Variants in COL5A2 observed in about 807,000 individuals in gnomAD.
COL5A2 encodes collagen alpha-2(V) chain.
A neutral mutation model predicts 208.2 loss-of-function variants in COL5A2; 23 were observed. The ratio of observed to expected loss-of-function variants is 0.11; its 90% CI spans 0.08 to 0.16. COL5A2 has a LOEUF of 0.16. Ranked by LOEUF, COL5A2 falls within the 10% of genes least tolerant of loss-of-function variation. The pLI is 1.00. For synonymous variants in COL5A2, 625 were observed against 628.5 expected (o/e 0.99, Z 0.08); for missense variants, 1,590 against 1,956.4 (o/e 0.81, Z 3.53).
chr2:189,336,587 T>C, the COL5A2 span, among the ~76,000 whole-genome samples: 12,384 of 152,280 alleles, frequency 0.081, 671 homozygotes, highest in Non-Finnish European at 0.12. Context: ...GAATCTTACA[T>C]ATATTTTGAC....
In COL5A2 at chr2:189,066,493, G is replaced by A; in HGVS notation, c.1460C>T (p.Pro487Leu). Residue 487 changes from proline (P) to leucine (L), a missense_variant, in exon 23 of 54, where the codon CCA (proline) becomes CTA (leucine). Transcript: ENST00000374866. ...GEAGPKGEPG[P>L]HGIQGPIGPP... Reference sequence around the variant, plus strand: ...GCCTATCGGACCCTGAATACCATGTGGCCCCTGTTAAAAACAGAAGGACAG... The same window carrying A: ...GCCTATCGGACCCTGAATACCATGTAGCCCCTGTTAAAAACAGAAGGACAG... 7 of 1,614,022 alleles carry A rather than the reference G, an allele frequency of 4.3e-6. No homozygotes were observed. The highest frequency in any genetic ancestry group is 5.9e-6 in the Non-Finnish European group (7 of 1,179,960).
intron 1 of COL5A2, among the ~76,000 whole-genome samples, chr2:189,166,909 A>G (rs1688475449): frequency 6.6e-6 from 1 of 152,240 alleles, no homozygotes; most frequent in Non-Finnish European, 1.5e-5. Context: ...TCGGAAAGAA[A>G]AGAATGCCAA....
the COL5A2 span, among the ~76,000 whole-genome samples, chr2:189,247,919 G>A: frequency 6.6e-6 from 1 of 152,126 alleles, no homozygotes; most frequent in Non-Finnish European, 1.5e-5. Flanking sequence ...AATATAGCAA[G>A]CAACTCAATG....
chr2:189,419,468 T>A, the COL5A2 span, among the ~76,000 whole-genome samples: 10 of 152,140 alleles, frequency 6.6e-5, no homozygotes, highest in African/African-American at 2.4e-4. Context: ...TTGGTCTTGG[T>A]TTTATTTTTA....
At chr2:189,355,272 G>A in the COL5A2 span, among the ~76,000 whole-genome samples, 1 of 152,210 alleles carries the variant, frequency 6.6e-6, no homozygotes, top group South Asian at 2.1e-4. Context: ...TTGGGATGGA[G>A]AGTTCTGTAG....
At chr2:189,053,147 T>C (rs1373046875) in intron 38 of COL5A2, 129 bp from the exon 39 acceptor site, 4 of 840,454 alleles carry the variant, frequency 4.8e-6, no homozygotes, top group Non-Finnish European at 7.4e-6. Flanking sequence ...TATTAAAGCA[T>C]ACTAAAGGAA....
chr2:189,173,906 C>T (rs1214401620), intron 1 of COL5A2, among the ~76,000 whole-genome samples: 1 of 152,104 alleles, frequency 6.6e-6, no homozygotes, highest in African/African-American at 2.4e-5. Context: ...TTTCCCCCAC[C>T]CTTACTATAT....
At chr2:189,434,242 T>C in the COL5A2 span, among the ~76,000 whole-genome samples, 1 of 152,276 alleles carries the variant, frequency 6.6e-6, no homozygotes, top group African/African-American at 2.4e-5. Context: ...GGGCAAAAAC[T>C]GGAAGCATTC....
At chr2:189,095,373 T>C (rs1198081145) in intron 6 of COL5A2, among the ~76,000 whole-genome samples, 1 of 152,134 alleles carries the variant, frequency 6.6e-6, no homozygotes, top group African/African-American at 2.4e-5. Flanking sequence ...ACACTTACCA[T>C]CACACCAGTT....
intron 30 of COL5A2, 109 bp downstream of exon 30, chr2:189,061,453 C>T (rs952839160): frequency 1.0e-4 from 91 of 878,816 alleles, no homozygotes; most frequent in Non-Finnish European, 1.6e-4. Flanking sequence ...AGAGGGATGA[C>T]TTTTTGAAAA....
Position 189,147,814 on chromosome 2 carries a change from C to T in COL5A2, c.97+31694G>A, listed in dbSNP as rs559574921. 2.6e-5 allele frequency among the ~76,000 whole-genome samples: 4 copies of T among 152,066 alleles called. No individual in the cohort carries two copies. The South Asian group carries it at 8.3e-4, about 32-fold the overall frequency. ...GCCATCTACATGCCTTAACTAATAC[C>T]CCAGGGCCCCAGCAAAGTCCCAAGG... On this transcript the variant is annotated intron_variant, in intron 1 of 53. Transcript: ENST00000374866.
rs184679190 is a variant in COL5A2 at position 189,073,347 on chromosome 2, A to G, written c.1105-1254T>C. ...ATTTTCAGTAACAACTTTGTGCTCA[A>G]TTACTACATTAAAAAATGGCTATAG... On this transcript the variant is annotated intron_variant, in intron 17 of 53. Transcript: ENST00000374866. Among the ~76,000 whole-genome samples, 16 of 152,274 alleles carry G rather than the reference A, an allele frequency of 1.1e-4. No homozygotes were observed. The East Asian group carries it at 3.1e-3, about 29-fold the overall frequency.
chr2:189,151,122 A>C (rs540282582), intron 1 of COL5A2, among the ~76,000 whole-genome samples: 2 of 152,226 alleles, frequency 1.3e-5, no homozygotes, highest in East Asian at 3.9e-4. Flanking sequence ...AAATAAATGT[A>C]ACCCATTTCC....
the COL5A2 span, among the ~76,000 whole-genome samples, chr2:189,265,469 T>C: frequency 6.6e-6 from 1 of 152,098 alleles, no homozygotes; most frequent in Non-Finnish European, 1.5e-5. Flanking sequence ...CCATGTGTGT[T>C]CTGTATTCAA....
the COL5A2 span, among the ~76,000 whole-genome samples, chr2:189,395,733 G>T: frequency 6.6e-6 from 1 of 150,672 alleles, no homozygotes; most frequent in Admixed American, 6.6e-5. Flanking sequence ...GTGAAACCCC[G>T]TCTCTATTAA....
At chr2:189,037,359 T>C (rs1166137977) in intron 51 of COL5A2, among the ~76,000 whole-genome samples, 1 of 152,224 alleles carries the variant, frequency 6.6e-6, no homozygotes, top group Non-Finnish European at 1.5e-5. Context: ...TACAGTCAAA[T>C]ACACAATTTA....
At chr2:189,068,567 G>T (rs1434787569) in intron 19 of COL5A2, among the ~76,000 whole-genome samples, 1 of 152,072 alleles carries the variant, frequency 6.6e-6, no homozygotes, top group Non-Finnish European at 1.5e-5. Context: ...GACTTAAAAT[G>T]TTCCCAACAC....
chr2:189,255,661 A>G, the COL5A2 span, among the ~76,000 whole-genome samples: 1 of 152,216 alleles, frequency 6.6e-6, no homozygotes, highest in Non-Finnish European at 1.5e-5. Flanking sequence ...GTTGGTTCCA[A>G]TGCTAGACAT....
In COL5A2 at chr2:189,085,322, C is replaced by T. The variant is rs1686632837; in HGVS notation, c.745-109G>A. 17 of 983,154 alleles carry T rather than the reference C, an allele frequency of 1.7e-5. 1 individual carries two copies. In the South Asian group the frequency reaches 2.4e-4, roughly 14 times the overall value. The allele number at this position is 983,154 out of a possible 1,614,324, so 60.9% of individuals were successfully genotyped here. On this transcript the variant is annotated intron_variant, in intron 10 of 53. Coordinates refer to ENST00000374866, the MANE Select transcript of COL5A2 (RefSeq NM_000393.5). ...ATGAAATGTCAAACTATTATTGAAA[C>T]AAATGAAAATGATAAATATTGTTGA...
Sources: allele counts gnomAD v4.1 joint callset (sites outside exome capture counted in the v4.1 genomes callset), GRCh38; gene constraint gnomAD v4.1.1; transcripts MANE v1.5; gene names NCBI Gene and HGNC (gene_info 2026-07-23, HGNC 2026-07-21).